The following KCNC2 variants were observed in gnomAD, a reference collection of about 807,000 sequenced individuals.
KCNC2 encodes potassium voltage-gated channel subfamily C member 2, also known as voltage-gated potassium channel KCNC2.
In KCNC2, 21 loss-of-function variants were observed where a neutral mutation model predicts 44.5. That is an observed-to-expected ratio of 0.47 (90% CI 0.33 to 0.68). The LOEUF (loss-of-function observed/expected upper bound fraction) is 0.68, where lower values mean the gene tolerates loss of function less well. KCNC2 is among the 30% of genes least tolerant of loss of function. The probability of loss-of-function intolerance (pLI) is 0.01; values close to 1 mark genes in which losing one functional copy is unlikely to be tolerated. For synonymous variants in KCNC2, 391 were observed against 339.1 expected, an observed-to-expected ratio of 1.15 and a Z score of -1.68; for missense variants, 589 against 826.2, an observed-to-expected ratio of 0.71 and a Z score of 3.52.
chr12:75,148,689 A>G (rs1890189175), intron 2 of KCNC2, among the ~76,000 whole-genome samples: 1 of 152,010 alleles, frequency 6.6e-6, no homozygotes, highest in African/African-American at 2.4e-5. Context: ...ATCAATGCCT[A>G]TTACTAAGCG....
intron 2 of KCNC2, among the ~76,000 whole-genome samples, chr12:75,058,003 T>G (rs1333067222): frequency 6.6e-6 from 1 of 151,950 alleles, no homozygotes; most frequent in Non-Finnish European, 1.5e-5. Context: ...AAAATGTAAT[T>G]TTCTGGGATA....
chr12:75,056,927 A>G (rs1379104385), intron 2 of KCNC2, among the ~76,000 whole-genome samples: 1 of 151,996 alleles, frequency 6.6e-6, no homozygotes, highest in Non-Finnish European at 1.5e-5. Flanking sequence ...AATAAAGCAA[A>G]TGAACAGAAA....
intron 2 of KCNC2, among the ~76,000 whole-genome samples, chr12:75,102,612 T>C (rs1886457486): frequency 6.6e-6 from 1 of 152,138 alleles, no homozygotes; most frequent in East Asian, 1.9e-4. Context: ...TTCTTAATTA[T>C]ACATTTATCT....
chr12:75,164,444 G>C (rs899011055), intron 2 of KCNC2, among the ~76,000 whole-genome samples: 5 of 151,680 alleles, frequency 3.3e-5, no homozygotes, highest in Admixed American at 2.6e-4. Context: ...ACATTCTACT[G>C]TGCACATTAA....
chr12:75,162,535 G>T (rs1204749787), intron 2 of KCNC2, among the ~76,000 whole-genome samples: 1 of 151,710 alleles, frequency 6.6e-6, no homozygotes, highest in Non-Finnish European at 1.5e-5. Flanking sequence ...CTGTCAGACT[G>T]TCAGAGGCTG....
chr12:75,096,335 C>T (rs962913102), intron 2 of KCNC2, among the ~76,000 whole-genome samples: 1 of 152,074 alleles, frequency 6.6e-6, no homozygotes, highest in Middle Eastern at 3.4e-3. Context: ...TATTTTGGAA[C>T]AGCTTTAGTG....
In KCNC2 at chr12:75,048,216, C is replaced by T. The variant is rs1880752390; in HGVS notation, c.1717G>A (p.Glu573Lys). 3.7e-6 allele frequency: 6 copies of T among 1,613,078 alleles called. No individual in the cohort carries two copies. The highest frequency in any genetic ancestry group is 5.1e-6 in the Non-Finnish European group (6 of 1,179,374). The change falls in exon 4 of 5, where the codon GAA becomes AAA. Residue 573 changes from glutamate (E) to lysine (K), a missense_variant. By Grantham distance (56) the Glu-to-Lys change is moderately conservative. Transcript: ENST00000549446. Reference protein sequence around the residue: ...SSTRDKNRRGETCFLLTTGDY... With the variant: ...SSTRDKNRRGKTCFLLTTGDY... ...CCTGTCGTCAGTAGGAAACATGTTT[C>T]CCCTCTTCTGTTTTTGTCTCTGGTA...
chr12:75,139,001 A>AG lies in KCNC2; in HGVS notation c.687+68295_687+68296insC, dbSNP rs1394418128. Among the ~76,000 whole-genome samples the AG allele has an allele frequency of 7.5e-5, 11 of 147,302 alleles. 1 individual carries two copies. The South Asian group carries it at 2.3e-3, about 31-fold the overall frequency. ...GTGTAAAAAAAAAAAAAAAAAAAAA[A>AG]AAAAACCAAGAAAGAAAAAAAGGAA... On this transcript the variant is annotated intron_variant, in intron 2 of 4. Transcript: ENST00000549446.
intron 2 of KCNC2, among the ~76,000 whole-genome samples, chr12:75,095,677 C>G (rs1029687665): frequency 1.3e-5 from 2 of 151,934 alleles, no homozygotes; most frequent in Non-Finnish European, 2.9e-5. Context: ...CTGGTCTCTT[C>G]TTGTTAAATT....
chr12:75,070,148 G>T (rs1266731887), intron 2 of KCNC2, among the ~76,000 whole-genome samples: 1 of 152,166 alleles, frequency 6.6e-6, no homozygotes, highest in Non-Finnish European at 1.5e-5. Context: ...CCTAGTTTGT[G>T]TTGACCAGTG....
chr12:75,048,958 G>A (rs189246379), intron 3 of KCNC2, among the ~76,000 whole-genome samples: 1 of 152,070 alleles, frequency 6.6e-6, no homozygotes, highest in African/African-American at 2.4e-5. Context: ...TATTGGCCTA[G>A]ATACTAGCTT....
At chr12:75,095,168 C>G (rs1284785466) in intron 2 of KCNC2, among the ~76,000 whole-genome samples, 4 of 151,902 alleles carry the variant, frequency 2.6e-5, no homozygotes, top group Middle Eastern at 3.4e-3. Flanking sequence ...TGGTTTACAG[C>G]TGATTATTAG....
Position 75,200,716 on chromosome 12 carries a change from T to C in KCNC2, c.687+6581A>G, listed in dbSNP as rs554562344. ...TTCATTTTAAAATAATCTTCACTAG[T>C]GAGCACATTAAAATATATCTTAATG... On this transcript the variant is annotated intron_variant, in intron 2 of 4. Coordinates refer to ENST00000549446, the MANE Select transcript of KCNC2 (RefSeq NM_139137.4). 4.0e-5 allele frequency among the ~76,000 whole-genome samples: 6 copies of C among 151,886 alleles called. No individual in the cohort carries two copies. The South Asian group carries it at 1.2e-3, about 32-fold the overall frequency.
chr12:75,113,172 T>A (rs1322187566), intron 2 of KCNC2, among the ~76,000 whole-genome samples: 1 of 152,152 alleles, frequency 6.6e-6, no homozygotes, highest in African/African-American at 2.4e-5. Flanking sequence ...TTTGAACATC[T>A]GGAATGTTCA....
intron 2 of KCNC2, among the ~76,000 whole-genome samples, chr12:75,181,438 C>T (rs1892564481): frequency 6.6e-6 from 1 of 152,058 alleles, no homozygotes; most frequent in African/African-American, 2.4e-5. Context: ...AAAAGTTATA[C>T]TTATTACTTT....
chr12:75,185,058 G>A (rs2446341), intron 2 of KCNC2, among the ~76,000 whole-genome samples: 77,622 of 152,002 alleles, frequency 0.51, 23,212 homozygotes, highest in African/African-American at 0.85. Flanking sequence ...TAAAATGATA[G>A]TAGACTTTAT....
rs201428363 is a variant in KCNC2 at position 75,207,468 on chromosome 12, G to C, written c.516C>G (p.Pro172=). The C allele has an allele frequency of 2.5e-6, 4 of 1,612,178 alleles. No individual in the cohort carries two copies. Among genetic ancestry groups the C allele is most frequent in the Non-Finnish European group, 3.4e-6 (4 of 1,179,634 alleles). ...CGCCGGGGTCGCCGCCAATGAGGTC[G>C]GGGGTCTCGAAGATGTCCAGCGCCT... ...AEEALDIFET[P]DLIGGDPGDD... The change falls in exon 2 of 5, where the codon CCC becomes CCG. Residue 172 remains proline, a synonymous_variant. Transcript: ENST00000549446. This position sits in a 1 kb window ranked among gnomAD's most constrained non-coding sequence, Gnocchi z 4.1.
intron 2 of KCNC2, among the ~76,000 whole-genome samples, chr12:75,200,644 A>G (rs1487433494): frequency 2.0e-5 from 3 of 151,754 alleles, no homozygotes; most frequent in Non-Finnish European, 4.4e-5. Context: ...TAGAAAAATG[A>G]TTTTCTAAAA....
intron 2 of KCNC2, among the ~76,000 whole-genome samples, chr12:75,117,853 C>T (rs1887783058): frequency 6.6e-6 from 1 of 151,972 alleles, no homozygotes; most frequent in South Asian, 2.1e-4. Context: ...AGAATGCATG[C>T]CATAATTTAG....
Sources: allele counts gnomAD v4.1 joint callset (sites outside exome capture counted in the v4.1 genomes callset), GRCh38; gene constraint gnomAD v4.1.1; non-coding constraint Gnocchi (gnomAD v3.1); transcripts MANE v1.5; gene names NCBI Gene and HGNC (gene_info 2026-07-23, HGNC 2026-07-21).